LRRC56: variants seen among roughly 807,000 people sequenced by gnomAD.
LRRC56 encodes leucine-rich repeat-containing protein 56.
LRRC56 carries 41 observed loss-of-function variants against 47.8 expected under a neutral mutation model. The observed-to-expected ratio is 0.86, with a 90% CI of 0.67 to 1.11. The LOEUF is 1.11. LRRC56 is among the 50% of genes most tolerant of loss of function. LRRC56 has a pLI of 0.00. For missense variants in LRRC56, 759 were observed against 704.2 expected, an observed-to-expected ratio of 1.08 and a Z score of -0.88; for synonymous variants, 387 against 311.2, an observed-to-expected ratio of 1.24 and a Z score of -2.56.
chr11:530,662 C>G, the LRRC56 span, among the ~76,000 whole-genome samples: 28 of 18,948 alleles, frequency 1.5e-3, no homozygotes, highest in South Asian at 6.0e-3. Context: ...GTCCCCTGGA[C>G]AGAAGGGGGA....
At chr11:523,187 C>G in the LRRC56 span, among the ~76,000 whole-genome samples, 2 of 152,098 alleles carry the variant, frequency 1.3e-5, no homozygotes, top group African/African-American at 4.8e-5. Flanking sequence ...CACCACCATG[C>G]CTGGCTAATT....
chr11:510,583 C>CA, the LRRC56 span, among the ~76,000 whole-genome samples: 178 of 152,004 alleles, frequency 1.2e-3, no homozygotes, highest in Non-Finnish European at 2.2e-3. Context: ...ACTAATAATA[C>CA]AAAAATTAGC....
upstream of LRRC56, chr11:533,369 G>A (rs727504926): frequency 1.9e-6 from 3 of 1,607,978 alleles, no homozygotes; most frequent in East Asian, 2.2e-5. Context: ...CTGTGTCAAG[G>A]GAGAGGGTCA....
rs1226647869 is a variant in LRRC56 at position 551,241 on chromosome 11, G to C, written c.735G>C (p.Leu245=). 1.3e-6 allele frequency: 2 copies of C among 1,545,318 alleles called. No homozygotes were observed. The highest frequency in any genetic ancestry group is 2.0e-5 in the Admixed American group (1 of 50,656). ...AHTGPPAPPR[L]SQDWLAVKEA... Reference sequence around the variant, plus strand: ...CAGGCCCACCGGCCCCCCCGCGGCTGAGCCAGGACTGGCTTGCGGTGAAGG... The same window carrying C: ...CAGGCCCACCGGCCCCCCCGCGGCTCAGCCAGGACTGGCTTGCGGTGAAGG... Residue 245 remains leucine (L), a synonymous_variant, in exon 9 of 14, where the codon CTG becomes CTC. Coordinates refer to ENST00000270115, the MANE Select transcript of LRRC56 (RefSeq NM_198075.4).
upstream of LRRC56, chr11:535,270 C>A (rs1241923449): frequency 7.4e-6 from 1 of 134,836 alleles, no homozygotes. Context: ...TGCCCGCGGG[C>A]CCCGCCCGGC....
rs1434615626 is a variant in LRRC56, at chr11:541,893, C to G, written c.265+269C>G. Among the ~76,000 whole-genome samples the G allele has an allele frequency of 7.4e-6, 1 of 135,150 alleles. No individual in the cohort carries two copies. Among genetic ancestry groups the G allele is most frequent in the Admixed American group, 7.4e-5 (1 of 13,424 alleles). The allele number at this position is 135,150 out of a possible 152,430, so 88.7% of individuals were successfully genotyped here. Reference sequence around the variant, plus strand: ...CCCAGCACGCTCAGTACCCCACACACCCACGCCAGTACCCCCGGCACGCTC... The same window carrying G: ...CCCAGCACGCTCAGTACCCCACACAGCCACGCCAGTACCCCCGGCACGCTC... On this transcript the variant is annotated intron_variant, in intron 5 of 13. Transcript: ENST00000270115. This position sits in a 1 kb window ranked among gnomAD's most constrained non-coding sequence, Gnocchi z 4.1.
chr11:551,594 T>C, intron 9 of LRRC56, 57 bp from the exon 10 acceptor site: 3 of 1,509,000 alleles, frequency 2.0e-6, no homozygotes, highest in Non-Finnish European at 2.7e-6. Context: ...GTGGACAGAG[T>C]CTGGGGGGCG....
chr11:543,938 C>T (rs1190315810), intron 5 of LRRC56, among the ~76,000 whole-genome samples: 6 of 152,194 alleles, frequency 3.9e-5, no homozygotes, highest in South Asian at 2.1e-4. Flanking sequence ...TTAGTAGAGA[C>T]GGGGTTTCAC....
chr11:517,060 G>A, the LRRC56 span, among the ~76,000 whole-genome samples: 2 of 152,176 alleles, frequency 1.3e-5, no homozygotes, highest in Non-Finnish European at 2.9e-5. Context: ...CTGTTGACCG[G>A]GCTGGTCTCC....
chr11:544,492 C>A (rs1389716003), intron 5 of LRRC56, among the ~76,000 whole-genome samples: 1 of 152,178 alleles, frequency 6.6e-6, no homozygotes, highest in Non-Finnish European at 1.5e-5. Flanking sequence ...GCCAGACCCT[C>A]TACCAGGCCC....
At chr11:517,595 C>A in the LRRC56 span, among the ~76,000 whole-genome samples, 4 of 151,544 alleles carry the variant, frequency 2.6e-5, no homozygotes, top group Non-Finnish European at 4.4e-5. Context: ...CACCTCTGCC[C>A]GGCCACCCCG....
the LRRC56 span, among the ~76,000 whole-genome samples, chr11:514,838 G>A: frequency 1.3e-5 from 2 of 152,058 alleles, no homozygotes; most frequent in Non-Finnish European, 2.9e-5. Context: ...GAACTGAACC[G>A]TGGTAACCCA....
At chr11:534,170 C>A (rs1226960989), upstream of LRRC56, 1 of 1,497,620 alleles carries the variant, frequency 6.7e-7, no homozygotes, top group Non-Finnish European at 9.3e-7. Flanking sequence ...CTGGGCTCGC[C>A]CGCAGCAGCT....
At chr11:532,225 T>A in the LRRC56 span, 1 of 374,110 alleles carries the variant, frequency 2.7e-6, no homozygotes, top group Non-Finnish European at 5.1e-6. Flanking sequence ...TGTCCCACCC[T>A]CAGCCGAAAA....
At chr11:510,422 T>C in the LRRC56 span, among the ~76,000 whole-genome samples, 1 of 148,846 alleles carries the variant, frequency 6.7e-6, no homozygotes, top group East Asian at 2.0e-4. Flanking sequence ...GCCAACATGG[T>C]GAAACCCCAT....
chr11:552,356 C>T (rs1176160287), intron 12 of LRRC56, 124 bp downstream of exon 12: 2 of 1,386,720 alleles, frequency 1.4e-6, no homozygotes, highest in African/African-American at 1.4e-5. Flanking sequence ...ATGTCCTGTC[C>T]CGTGGGGGGA....
the LRRC56 span, among the ~76,000 whole-genome samples, chr11:508,021 A>C: frequency 6.6e-6 from 1 of 152,252 alleles, no homozygotes; most frequent in Non-Finnish European, 1.5e-5. Flanking sequence ...CCCCACCTCC[A>C]CAAAAGTGGG....
upstream of LRRC56, chr11:533,708 A>G (rs2133989078): frequency 1.2e-6 from 2 of 1,610,662 alleles, no homozygotes; most frequent in Non-Finnish European, 1.7e-6. Context: ...GCCTGGACGC[A>G]GCCGGCCTGG....
chr11:529,988 T>C, the LRRC56 span, among the ~76,000 whole-genome samples: 1 of 152,150 alleles, frequency 6.6e-6, no homozygotes, highest in Non-Finnish European at 1.5e-5. Flanking sequence ...CTGGAGTCCC[T>C]AGGACTCGGG....
Sources: allele counts gnomAD v4.1 joint callset (sites outside exome capture counted in the v4.1 genomes callset), GRCh38; gene constraint gnomAD v4.1.1; non-coding constraint Gnocchi (gnomAD v3.1); transcripts MANE v1.5; gene names NCBI Gene and HGNC (gene_info 2026-07-23, HGNC 2026-07-21).